The following MYO9B variants were observed in gnomAD, a reference collection of about 807,000 sequenced individuals.
MYO9B encodes unconventional myosin-IXb.
Under a neutral mutation model 229.5 loss-of-function variants are expected in MYO9B, and 71 were observed. The observed-to-expected ratio is 0.31, with a 90% confidence interval of 0.26 to 0.38. MYO9B has a LOEUF of 0.38. Among genes scored for constraint, MYO9B ranks in the 10% least tolerant of loss-of-function variants. The pLI is 1.00. For synonymous variants in MYO9B, 1,185 were observed against 1,235.8 expected, an observed-to-expected ratio of 0.96 and a Z score of 0.86; for missense variants, 2,255 against 2,920.5, an observed-to-expected ratio of 0.77 and a Z score of 5.25.
chr19:17,192,662 T>A, intron 20 of MYO9B, 84 bp from the exon 21 acceptor site: 1 of 1,200,884 alleles, frequency 8.3e-7, no homozygotes, highest in Middle Eastern at 2.9e-4. Flanking sequence ...GGTCTCACTC[T>A]GGAGTGGGCT....
At chr19:17,128,163 G>A (rs1052716986) in intron 2 of MYO9B, among the ~76,000 whole-genome samples, 2 of 151,654 alleles carry the variant, frequency 1.3e-5, no homozygotes, top group African/African-American at 2.4e-5. Flanking sequence ...AATCACTTGA[G>A]CCCAGGAGTT....
At chr19:17,144,386 C>T (rs2072380664) in intron 2 of MYO9B, among the ~76,000 whole-genome samples, 1 of 151,110 alleles carries the variant, frequency 6.6e-6, no homozygotes, top group Non-Finnish European at 1.5e-5. Context: ...GGGTGGATCA[C>T]TTAAGCTCAG....
intron 15 of MYO9B, 91 bp from the exon 16 acceptor site, chr19:17,183,738 G>A (rs1330159470): frequency 1.7e-6 from 2 of 1,148,310 alleles, no homozygotes; most frequent in East Asian, 2.6e-5. Context: ...GTGTCTCTCA[G>A]TCTAACCCGC....
chr19:17,081,810 C>CAAAA (rs5827357), intron 1 of MYO9B, among the ~76,000 whole-genome samples: 1 of 69,920 alleles, frequency 1.4e-5, no homozygotes, highest in African/African-American at 6.0e-5. Context: ...GATCCCATCT[C>CAAAA]AAAAAAAAAA....
chr19:17,194,889 AG>A lies in MYO9B; in HGVS notation c.3465del (p.Leu1156TrpfsTer33). On this transcript the variant is annotated frameshift_variant, in exon 22 of 40. Transcript: ENST00000682292. LOFTEE classifies it high-confidence loss of function. ...REKRESRRQR[G>X]LEHVKFQNKH... ...AGAAGCGTGAGTCGCGTCGGCAAAG[AG>A]GGCTGGAGCACGTCAAGTTCCAGAA... 1 of 1,613,392 alleles carries A rather than the reference AG, an allele frequency of 6.2e-7. No individual in the cohort carries two copies. The highest frequency in any genetic ancestry group is 2.2e-5 in the East Asian group (1 of 44,876).
At chr19:17,143,348 T>C (rs972368200) in intron 2 of MYO9B, among the ~76,000 whole-genome samples, 2 of 152,154 alleles carry the variant, frequency 1.3e-5, no homozygotes, top group African/African-American at 2.4e-5. Context: ...TCAGGTCTTA[T>C]CTGGGCTTCT....
intron 2 of MYO9B, among the ~76,000 whole-genome samples, chr19:17,129,671 T>G (rs1870069): frequency 6.6e-6 from 1 of 152,060 alleles, no homozygotes; most frequent in African/African-American, 2.4e-5. Context: ...GCAGGTCTGC[T>G]TCTTAAAGGA....
chr19:17,172,405 C>T lies in MYO9B; in HGVS notation c.1863C>T (p.Phe621=), dbSNP rs867548260. The part of the protein sequence containing the change: ...FKQQHEDNKY[F]LGTPVMEPAF... ...AGCAACATGAGGACAATAAGTACTT[C>T]CTGGGCACCCCGGTCATGGAGCCAG... Residue 621 remains phenylalanine (F), a synonymous_variant, in exon 12 of 40, where the codon TTC becomes TTT. Transcript: ENST00000682292. This position sits in a 1 kb window ranked among gnomAD's most constrained non-coding sequence, Gnocchi z 8.2. 6.2e-7 allele frequency: 1 copy of T among 1,613,946 alleles called. No homozygotes were observed. Among genetic ancestry groups the T allele is most frequent in the Non-Finnish European group, 8.5e-7 (1 of 1,179,866 alleles).
intron 1 of MYO9B, among the ~76,000 whole-genome samples, chr19:17,081,394 A>G (rs1325855688): frequency 1.3e-5 from 2 of 152,266 alleles, no homozygotes; most frequent in East Asian, 3.9e-4. Flanking sequence ...GAATAGGTCC[A>G]TTTTGTCTCT....
intron 14 of MYO9B, among the ~76,000 whole-genome samples, chr19:17,179,653 C>T (rs952455910): frequency 2.0e-5 from 3 of 151,782 alleles, no homozygotes; most frequent in African/African-American, 7.3e-5. Context: ...TCTTGAACTC[C>T]CTACCTCAGG....
Position 17,145,504 on chromosome 19 carries a change from T to C in MYO9B, c.935+13T>C, listed in dbSNP as rs777367595. ...GCATCGTGAGAGGGTGAGGTGTCCC[T>C]GGGGTCCCCACTGGTGGGAGCTGGC... On this transcript the variant is annotated intron_variant, in intron 3 of 39. Transcript: ENST00000682292. 5 of 1,611,202 alleles carry C rather than the reference T, an allele frequency of 3.1e-6. No homozygotes were observed. Among genetic ancestry groups the C allele is most frequent in the Non-Finnish European group, 4.2e-6 (5 of 1,177,434 alleles).
Position 17,202,043 on chromosome 19 carries a change from T to A in MYO9B, c.4662+19T>A. The A allele has an allele frequency of 6.2e-7, 1 of 1,611,214 alleles. No individual in the cohort carries two copies. Among genetic ancestry groups the A allele is most frequent in the Non-Finnish European group, 8.5e-7 (1 of 1,178,770 alleles). ...TGTCCCGGTATGTGGCGGCCCGGCC[T>A]TCAGCCTTTCCCATACCCTGCTCAG... On this transcript the variant is annotated intron_variant, in intron 27 of 39. Coordinates refer to ENST00000682292, the MANE Select transcript of MYO9B (RefSeq NM_004145.4).
chr19:17,210,666 C>A (rs1213501847), intron 37 of MYO9B, 49 bp from the exon 38 acceptor site: 1 of 1,490,698 alleles, frequency 6.7e-7, no homozygotes, highest in Admixed American at 2.3e-5. Flanking sequence ...CCGGCAGTAA[C>A]CTCGCCCACT....
chr19:17,178,962 C>T (rs1418567051), intron 14 of MYO9B, among the ~76,000 whole-genome samples: 2 of 136,808 alleles, frequency 1.5e-5, no homozygotes, highest in African/African-American at 5.5e-5. Context: ...ACCTGGGAGG[C>T]GGGGTTTGCA....
intron 15 of MYO9B, among the ~76,000 whole-genome samples, chr19:17,182,789 G>A (rs938637221): frequency 6.6e-6 from 1 of 152,006 alleles, no homozygotes; most frequent in South Asian, 2.1e-4. Flanking sequence ...TCTTCAAAAG[G>A]CACCAGGCCT....
chr19:17,079,660 C>G (rs1356030733), intron 1 of MYO9B, among the ~76,000 whole-genome samples: 1 of 152,146 alleles, frequency 6.6e-6, no homozygotes, highest in African/African-American at 2.4e-5. Flanking sequence ...TGGCCCCCTC[C>G]TTGACCGTGA....
chr19:17,112,063 T>G (rs2057852278), intron 2 of MYO9B, among the ~76,000 whole-genome samples: 1 of 152,210 alleles, frequency 6.6e-6, no homozygotes, highest in South Asian at 2.1e-4. Flanking sequence ...CATTCCTTTG[T>G]ATGGCTGGTA....
chr19:17,192,710 A>G, intron 20 of MYO9B, 36 bp from the exon 21 acceptor site: 1 of 1,483,452 alleles, frequency 6.7e-7, no homozygotes. Context: ...TGTCAGGGGC[A>G]GTGCAGCTGA....
intron 2 of MYO9B, among the ~76,000 whole-genome samples, chr19:17,119,592 A>G (rs1423124320): frequency 2.0e-5 from 3 of 152,138 alleles, no homozygotes; most frequent in Non-Finnish European, 4.4e-5. Flanking sequence ...CCAGCACTTC[A>G]GGAGGCCGAG....
Sources: gnomAD v4.1 joint callset for allele counts (sites outside exome capture counted in the v4.1 genomes callset) on GRCh38, gnomAD v4.1.1 for gene constraint, Gnocchi (gnomAD v3.1) non-coding constraint, MANE v1.5 for transcripts, NCBI Gene and HGNC (gene_info 2026-07-23, HGNC 2026-07-21) for gene names.